TMEM65: variants seen among roughly 807,000 people sequenced by gnomAD.
TMEM65 encodes the protein transmembrane protein 65.
TMEM65 carries 22 observed loss-of-function variants against 25.4 expected under a neutral mutation model. That is an observed-to-expected ratio of 0.86 (90% CI 0.62 to 1.23). TMEM65 has a LOEUF of 1.23. Among genes scored for constraint, TMEM65 ranks in the 50% most tolerant of loss-of-function variants. The pLI is 0.00. For missense variants in TMEM65, 262 were observed against 308.2 expected, an observed-to-expected ratio of 0.85 and a Z score of 1.12; for synonymous variants, 132 against 126.2, an observed-to-expected ratio of 1.05 and a Z score of -0.31.
intron 1 of TMEM65, among the ~76,000 whole-genome samples, chr8:124,346,225 A>G (rs1437761991): frequency 6.6e-6 from 1 of 152,156 alleles, no homozygotes; most frequent in Non-Finnish European, 1.5e-5. Flanking sequence ...CTTCCTCCCT[A>G]TCATGAGAAC....
intron 1 of TMEM65, among the ~76,000 whole-genome samples, chr8:124,349,953 TTAAAA>T (rs2131218730): frequency 6.6e-6 from 1 of 152,306 alleles, no homozygotes; most frequent in East Asian, 1.9e-4. Flanking sequence ...TGAGGGCTAA[TTAAAA>T]TATCTTCAGA....
rs1188034863 is a variant in TMEM65 at position 124,355,657 on chromosome 8, C to G, written c.304+16197G>C. Reference sequence around the variant, plus strand: ...ATATAACATAGGGGCTTCATCCCACCTTTATAATGAAACACAGTCAAATTC... The same window carrying G: ...ATATAACATAGGGGCTTCATCCCACGTTTATAATGAAACACAGTCAAATTC... On this transcript the variant is annotated intron_variant, in intron 1 of 6. Transcript: ENST00000297632. Among the ~76,000 whole-genome samples the G allele has an allele frequency of 2.1e-4, 32 of 152,278 alleles. No homozygotes were observed. In the East Asian group the frequency reaches 6.2e-3, roughly 29 times the overall value.
In TMEM65 at chr8:124,323,935, C is replaced by T. The variant is rs551960770; in HGVS notation, c.418-560G>A. Among the ~76,000 whole-genome samples the T allele has an allele frequency of 5.9e-5, 9 of 152,236 alleles. No individual in the cohort carries two copies. In the South Asian group the frequency reaches 1.4e-3, roughly 25 times the overall value. ...ATCTACACTCAAAACAAAGCCCCAT[C>T]GTATCGCCACTGAATTTAATGACAG... On this transcript the variant is annotated intron_variant, in intron 3 of 6. Transcript: ENST00000297632.
At chr8:124,318,699 T>C (rs1250760935) in intron 6 of TMEM65, among the ~76,000 whole-genome samples, 1 of 152,072 alleles carries the variant, frequency 6.6e-6, no homozygotes, top group Non-Finnish European at 1.5e-5. Context: ...CAATAATAGA[T>C]AGGTCTAAGA....
chr8:124,328,768 T>C (rs1205083629), intron 2 of TMEM65, among the ~76,000 whole-genome samples: 1 of 152,124 alleles, frequency 6.6e-6, no homozygotes, highest in African/African-American at 2.4e-5. Context: ...AACCAACTGG[T>C]TATATGTGTC....
chr8:124,339,213 AAAAAAAAAAATAT>A (rs1814553161), intron 1 of TMEM65, among the ~76,000 whole-genome samples: 1 of 57,682 alleles, frequency 1.7e-5, no homozygotes, highest in African/African-American at 6.2e-5. Context: ...AAAAAAAAAA[AAAAAAAAAAATAT>A]ATATATATAT....
intron 4 of TMEM65, among the ~76,000 whole-genome samples, chr8:124,323,069 C>T (rs116876111): frequency 6.0e-4 from 91 of 151,982 alleles, no homozygotes; most frequent in Non-Finnish European, 1.1e-3. Context: ...ACTGAATTGC[C>T]AGAAAATCTT....
intron 1 of TMEM65, among the ~76,000 whole-genome samples, chr8:124,345,424 T>C (rs529112118): frequency 1.3e-5 from 2 of 152,318 alleles, no homozygotes; most frequent in South Asian, 4.1e-4. Context: ...GATTATCTTT[T>C]AACACTACTA....
rs573917566 is a variant in TMEM65, at chr8:124,346,935, CAATA to C, written c.305-16147_305-16144del. Among the ~76,000 whole-genome samples, 102 of 152,022 alleles carry C rather than the reference CAATA, an allele frequency of 6.7e-4. 2 individuals carry two copies. Among genetic ancestry groups the C allele is most frequent in the Non-Finnish European group, 1.8e-4 (12 of 68,000 alleles). ...GTTCAAATGAGTAAGGTAAAATTTA[CAATA>C]AATATACAACATATTAAAGAATACA... is the stretch of plus-strand genomic sequence containing the variant. On this transcript the variant is annotated intron_variant, in intron 1 of 6. Coordinates refer to ENST00000297632, the MANE Select transcript of TMEM65 (RefSeq NM_194291.3).
intron 1 of TMEM65, among the ~76,000 whole-genome samples, chr8:124,337,458 A>C (rs1417679544): frequency 6.6e-6 from 1 of 151,988 alleles, no homozygotes; most frequent in East Asian, 1.9e-4. Context: ...CCAACATCCA[A>C]ACTTCTTTAC....
intron 1 of TMEM65, among the ~76,000 whole-genome samples, chr8:124,362,230 A>C (rs1269800743): frequency 6.6e-6 from 1 of 152,208 alleles, no homozygotes; most frequent in Non-Finnish European, 1.5e-5. Flanking sequence ...AAAAAGCATG[A>C]AAATGTGTAT....
At chr8:124,346,946 C>A (rs1439848629) in intron 1 of TMEM65, among the ~76,000 whole-genome samples, 10 of 152,024 alleles carry the variant, frequency 6.6e-5, no homozygotes, top group African/African-American at 2.4e-4. Context: ...AATAAATATA[C>A]AACATATTAA....
chr8:124,347,656 C>A (rs981285911), intron 1 of TMEM65, among the ~76,000 whole-genome samples: 10 of 152,140 alleles, frequency 6.6e-5, no homozygotes, highest in African/African-American at 2.4e-4. Flanking sequence ...AGGGAACTTA[C>A]CAAGCAACCT....
intron 1 of TMEM65, among the ~76,000 whole-genome samples, chr8:124,337,692 T>C (rs1317394369): frequency 1.3e-5 from 2 of 152,030 alleles, no homozygotes; most frequent in Non-Finnish European, 2.9e-5. Flanking sequence ...GTAAGTCAAA[T>C]GAAAATTGTT....
intron 3 of TMEM65, among the ~76,000 whole-genome samples, chr8:124,325,794 T>C (rs571034002): frequency 3.3e-5 from 5 of 152,110 alleles, no homozygotes; most frequent in African/African-American, 1.2e-4. Context: ...TGGTAGCTGA[T>C]CCCCATCAAT....
intron 1 of TMEM65, 130 bp downstream of exon 1, chr8:124,371,724 C>G (rs981700248): frequency 3.6e-5 from 33 of 919,582 alleles, no homozygotes. Flanking sequence ...TGGGGCCAGA[C>G]AGGCGAGGGG....
At chr8:124,358,686 G>A (rs1418354054) in intron 1 of TMEM65, among the ~76,000 whole-genome samples, 2 of 152,150 alleles carry the variant, frequency 1.3e-5, no homozygotes, top group Non-Finnish European at 2.9e-5. Flanking sequence ...TGGTTCAGGG[G>A]CTGCCCAACT....
chr8:124,327,800 A>G (rs1814385132), intron 2 of TMEM65, among the ~76,000 whole-genome samples: 1 of 152,082 alleles, frequency 6.6e-6, no homozygotes, highest in Admixed American at 6.6e-5. Context: ...TTTTTCTATT[A>G]TGACTAAAGT....
chr8:124,359,791 A>T (rs958374022), intron 1 of TMEM65, among the ~76,000 whole-genome samples: 2 of 152,140 alleles, frequency 1.3e-5, no homozygotes, highest in Non-Finnish European at 2.9e-5. Flanking sequence ...AGCTTAAACA[A>T]CTAATTGATA....
Sources: gnomAD v4.1 joint callset for allele counts (sites outside exome capture counted in the v4.1 genomes callset) on GRCh38, gnomAD v4.1.1 for gene constraint, MANE v1.5 for transcripts, NCBI Gene and HGNC (gene_info 2026-07-23, HGNC 2026-07-21) for gene names.